Variants in KRT39 observed in about 807,000 individuals in gnomAD.
KRT39 encodes the protein keratin 39.
A neutral mutation model predicts 54.8 loss-of-function variants in KRT39; 47 were observed. That is an observed-to-expected ratio of 0.86 (90% CI 0.68 to 1.09). The LOEUF (loss-of-function observed/expected upper bound fraction) is 1.09. Among genes scored for constraint, KRT39 ranks in the 50% least tolerant of loss-of-function variants. KRT39 has a pLI of 0.00. For missense variants in KRT39, 580 were observed against 598.5 expected, an observed-to-expected ratio of 0.97 and a Z score of 0.32; for synonymous variants, 207 against 227.9, an observed-to-expected ratio of 0.91 and a Z score of 0.83.
At chr17:40,962,071 G>T in intron 5 of KRT39, 91 bp downstream of exon 5, 1 of 1,486,888 alleles carries the variant, frequency 6.7e-7, no homozygotes, top group Non-Finnish European at 9.1e-7. Context: ...CTATTGTTCT[G>T]AAAGACACAG....
intron 6 of KRT39, among the ~76,000 whole-genome samples, 163 bp from the exon 7 acceptor site, chr17:40,959,022 G>GA (rs1911025074): frequency 2.6e-5 from 4 of 152,282 alleles, no homozygotes; most frequent in African/African-American, 9.6e-5. Flanking sequence ...GGAAGAAAAA[G>GA]AATCAGATTA....
Position 40,958,753 on chromosome 17 carries a change from AGGGGGATG to A in KRT39, c.1316_1323del (p.Ser439LeufsTer19), listed in dbSNP as rs1285399213. 22 of 1,613,988 alleles carry A rather than the reference AGGGGGATG, an allele frequency of 1.4e-5. No homozygotes were observed. In the Admixed American group the frequency reaches 3.0e-4, roughly 22 times the overall value. On this transcript the variant is annotated frameshift_variant, in exon 7 of 7. Transcript: ENST00000355612. LOFTEE classifies it high-confidence loss of function. ...GCACTGCAGTGCTCCTTTAAGCTGCAGGGGGATGAGGATGTGCAAGCTGGGGCCGTGCT... is the reference window on the plus strand; with the variant it reads ...GCACTGCAGTGCTCCTTTAAGCTGCAAGGATGTGCAAGCTGGGGCCGTGCT...
Position 40,966,414 on chromosome 17 carries a change from G to GTGTA in KRT39, c.439_442dup (p.Thr148IlefsTer5). 1 of 1,613,322 alleles carries GTGTA rather than the reference G, an allele frequency of 6.2e-7. No individual in the cohort carries two copies. Among genetic ancestry groups the GTGTA allele is most frequent in the Non-Finnish European group, 8.5e-7 (1 of 1,179,284 alleles). ...CTTCTGCTGGAGCTCCTCAATGGTA[G>GTGTA]TGTAGTAAGACAGGTAATCAGGACA... On this transcript the variant is annotated frameshift_variant, in exon 1 of 7. Coordinates refer to ENST00000355612, the MANE Select transcript of KRT39 (RefSeq NM_213656.4). LOFTEE classifies it high-confidence loss of function.
In KRT39 at chr17:40,962,186, A is replaced by C. The variant is rs552759104; in HGVS notation, c.972T>G (p.Val324=). The C allele has an allele frequency of 6.2e-7, 1 of 1,614,214 alleles. No homozygotes were observed. Among genetic ancestry groups the C allele is most frequent in the Admixed American group, 1.7e-5 (1 of 60,032 alleles). ...CCATTCGATGCTGGGCCTGCAGTTC[A>C]ACCTCCAGAGTGTTCACACTGCGTC... ...ELRRSVNTLE[V]ELQAQHRMRD... Residue 324 remains valine (V), a synonymous_variant, in exon 5 of 7, where the codon GTT becomes GTG. Coordinates refer to ENST00000355612, the MANE Select transcript of KRT39 (RefSeq NM_213656.4).
At chr17:40,963,551 G>T in intron 3 of KRT39, 76 bp downstream of exon 3, 1 of 1,395,174 alleles carries the variant, frequency 7.2e-7, no homozygotes, top group Non-Finnish European at 9.8e-7. Flanking sequence ...CACACCCTTT[G>T]TCAGGTGCAA....
At chr17:40,961,060 G>A (rs1183614478) in intron 5 of KRT39, among the ~76,000 whole-genome samples, 3 of 152,024 alleles carry the variant, frequency 2.0e-5, no homozygotes, top group Non-Finnish European at 4.4e-5. Context: ...AACCCGGGAG[G>A]TGGAGGTTGC....
chr17:40,966,940 A>G lies in KRT39; in HGVS notation c.-84T>C. 1 of 965,884 alleles carries G rather than the reference A, an allele frequency of 1.0e-6. No homozygotes were observed. Among genetic ancestry groups the G allele is most frequent in the Non-Finnish European group, 1.6e-6 (1 of 615,260 alleles). The allele number at this position is 965,884 out of a possible 1,614,324, so 59.8% of individuals were successfully genotyped here. A position where few individuals can be genotyped will look rare whatever the true frequency, so the allele number is the denominator to read the frequency against. On this transcript the variant is annotated 5_prime_UTR_variant, in exon 1 of 7. Coordinates refer to ENST00000355612, the MANE Select transcript of KRT39 (RefSeq NM_213656.4). ...GCCACCTCCACAGAGTCTGAATTCC[A>G]AGGCTCTTGGTGTTTTCCTCTTTGA...
At chr17:40,965,501 C>T (rs1001415640) in intron 1 of KRT39, among the ~76,000 whole-genome samples, 1 of 152,160 alleles carries the variant, frequency 6.6e-6, no homozygotes, top group Non-Finnish European at 1.5e-5. Flanking sequence ...CAATATTTTC[C>T]CAGAATCTAG....
rs1355525206 is a variant in KRT39, at chr17:40,966,812, T to C, written c.45A>G (p.Pro15=). Residue 15 remains proline, a synonymous_variant, in exon 1 of 7, where the codon CCA becomes CCG. Transcript: ENST00000355612. ...GCTTTNSPST[P]CQNCSRITNV... ...TTGTAATCCTAGAGCAGTTTTGACA[T>C]GGGGTTGAAGGAGAATTGGTTGTTG... is the stretch of plus-strand genomic sequence containing the variant. The C allele has an allele frequency of 1.2e-6, 2 of 1,614,002 alleles. No individual in the cohort carries two copies.
In KRT39 at chr17:40,963,051, C is replaced by T. The variant is rs539437177; in HGVS notation, c.709-488G>A. The stretch of plus-strand genomic sequence containing the variant: ...GAAAAGCTGGAGGGGATGTTGGAGG[C>T]CTTTCTTCCCCTTATGGCTCCAGAT... On this transcript the variant is annotated intron_variant, in intron 3 of 6. Transcript: ENST00000355612. Among the ~76,000 whole-genome samples the T allele has an allele frequency of 2.9e-4, 44 of 152,218 alleles. 1 individual carries two copies. The South Asian group carries it at 9.1e-3, about 32-fold the overall frequency.
chr17:40,966,167 C>A (rs1453904477), intron 1 of KRT39, among the ~76,000 whole-genome samples: 1 of 152,038 alleles, frequency 6.6e-6, no homozygotes, highest in African/African-American at 2.4e-5. Context: ...GCCTCAGCCT[C>A]CCAAAGTGTT....
chr17:40,966,672 G>T lies in KRT39; in HGVS notation c.185C>A (p.Thr62Asn). ...GATGGGCTTGCGACAAAAGCGAGGA[G>T]TGGGTTGGCAGCCCTGGTCCCAGGG... ...RIPWDQGCQP[T>N]PRFCRKPIYL... Residue 62 changes from threonine to asparagine, a missense_variant, in exon 1 of 7, where the codon ACT becomes AAT. Physicochemically the swap from Thr to Asn is moderately conservative, Grantham distance 65. Coordinates refer to ENST00000355612, the MANE Select transcript of KRT39 (RefSeq NM_213656.4). The T allele has an allele frequency of 5.6e-6, 9 of 1,614,236 alleles. No individual in the cohort carries two copies. The highest frequency in any genetic ancestry group is 6.8e-6 in the Non-Finnish European group (8 of 1,180,042).
chr17:40,964,972 A>G (rs12103625), intron 1 of KRT39, among the ~76,000 whole-genome samples: 62,065 of 150,900 alleles, frequency 0.41, 15,794 homozygotes, highest in African/African-American at 0.73. Context: ...CGAGGCGGGT[A>G]GATCACGAGG....
In KRT39 at chr17:40,963,634, T is replaced by C. The variant is rs866058208; in HGVS notation, c.701A>G (p.His234Arg). 1.2e-6 allele frequency: 2 copies of C among 1,605,788 alleles called. No homozygotes were observed. Among genetic ancestry groups the C allele is most frequent in the Middle Eastern group, 3.3e-4 (2 of 6,012 alleles). Residue 234 changes from histidine (H) to arginine (R), a missense_variant, in exon 3 of 7, where the codon CAC (histidine) becomes CGC (arginine). His to Arg is a conservative substitution (Grantham distance 29). Coordinates refer to ENST00000355612, the MANE Select transcript of KRT39 (RefSeq NM_213656.4). ...KEELLCLKNNHKEEINSLQCQ... is the reference protein window; with the variant it reads ...KEELLCLKNNRKEEINSLQCQ... ...TATTGGTCTTTGTCTCACCTCTTTG[T>C]GGTTGTTCTTGAGGCAAAGGAGCTC...
chr17:40,962,076 A>G (rs573025406), intron 5 of KRT39, 86 bp downstream of exon 5: 2 of 1,500,564 alleles, frequency 1.3e-6, no homozygotes, highest in African/African-American at 1.4e-5. Context: ...GTTCTGAAAG[A>G]CACAGTTTGG....
intron 6 of KRT39, 77 bp from the exon 7 acceptor site, chr17:40,958,936 A>G (rs745796922): frequency 3.0e-5 from 42 of 1,418,436 alleles, no homozygotes; most frequent in Non-Finnish European, 3.9e-5. Context: ...ATTGTGGCTA[A>G]TTTTTTTAAC....
rs369850173 is a variant in KRT39, at chr17:40,963,611, T to C, written c.708+16A>G. 1.2e-4 allele frequency: 198 copies of C among 1,586,424 alleles called. No individual in the cohort carries two copies. Among genetic ancestry groups the C allele is most frequent in the Admixed American group, 3.4e-4 (20 of 59,294 alleles). ...AGGGACTTAGCTTGTGATTACTCTA[T>C]TGGTCTTTGTCTCACCTCTTTGTGG... On this transcript the variant is annotated intron_variant, in intron 3 of 6. Coordinates refer to ENST00000355612, the MANE Select transcript of KRT39 (RefSeq NM_213656.4).
At chr17:40,962,010 A>G (rs1337088612) in intron 5 of KRT39, 152 bp downstream of exon 5, 4 of 1,088,038 alleles carry the variant, frequency 3.7e-6, no homozygotes, top group East Asian at 4.8e-5. Context: ...TCGTAGACTT[A>G]TTTGGCCACA....
At chr17:40,963,546 C>G in intron 3 of KRT39, 81 bp downstream of exon 3, 1 of 1,361,886 alleles carries the variant, frequency 7.3e-7, no homozygotes, top group South Asian at 1.5e-5. Context: ...GCGGGCACAC[C>G]CTTTGTCAGG....
Sources: allele counts gnomAD v4.1 joint callset (sites outside exome capture counted in the v4.1 genomes callset), GRCh38; gene constraint gnomAD v4.1.1; transcripts MANE v1.5; gene names NCBI Gene and HGNC (gene_info 2026-07-23, HGNC 2026-07-21).